Variants in CPNE8 observed in about 807,000 individuals in gnomAD.
CPNE8 encodes copine-8.
CPNE8 carries 45 observed loss-of-function variants against 81.5 expected under a neutral mutation model. The observed-to-expected ratio is 0.55, with a 90% CI of 0.44 to 0.71. CPNE8 has a LOEUF of 0.71. CPNE8 is among the 30% of genes least tolerant of loss of function. The probability of loss-of-function intolerance (pLI) is 0.00; values close to 1 mark genes in which losing one functional copy is unlikely to be tolerated. For missense variants in CPNE8, 594 were observed against 672.1 expected (o/e 0.88, Z 1.28); for synonymous variants, 252 against 226.3 (o/e 1.11, Z -1.02).
At chr12:38,654,257 TG>T (rs1253599995) in intron 19 of CPNE8, among the ~76,000 whole-genome samples, 187 bp from the exon 20 acceptor site, 2 of 152,112 alleles carry the variant, frequency 1.3e-5, no homozygotes, top group African/African-American at 4.8e-5. Context: ...GGCTCATGCC[TG>T]TAATCCCAGC....
intron 5 of CPNE8, among the ~76,000 whole-genome samples, chr12:38,838,449 C>T (rs1237914317): frequency 6.6e-6 from 1 of 152,174 alleles, no homozygotes; most frequent in Non-Finnish European, 1.5e-5. Flanking sequence ...TGCTCATAAT[C>T]CCTTTAATCA....
intron 14 of CPNE8, among the ~76,000 whole-genome samples, chr12:38,697,744 G>A (rs1373894332): frequency 6.6e-6 from 1 of 151,654 alleles, no homozygotes; most frequent in African/African-American, 2.4e-5. Context: ...AGTAATGAGG[G>A]AAGTTCTCAC....
chr12:38,792,462 G>T, intron 6 of CPNE8, among the ~76,000 whole-genome samples: 1 of 151,058 alleles, frequency 6.6e-6, no homozygotes, highest in South Asian at 2.1e-4. Flanking sequence ...TGCAGGCCAA[G>T]AAATTGAAAA....
chr12:38,686,791 T>G, intron 15 of CPNE8, among the ~76,000 whole-genome samples: 1 of 152,166 alleles, frequency 6.6e-6, no homozygotes, highest in East Asian at 1.9e-4. Flanking sequence ...ACAGGGCTGC[T>G]TGAGTGTTCT....
At chr12:38,892,417 T>C (rs1413983259) in intron 1 of CPNE8, among the ~76,000 whole-genome samples, 1 of 152,212 alleles carries the variant, frequency 6.6e-6, no homozygotes, top group East Asian at 1.9e-4. Flanking sequence ...TCACTACATG[T>C]GTGAAGAAGA....
In CPNE8 at chr12:38,800,127, A is replaced by C. The variant is rs7975657; in HGVS notation, c.408-23826T>G. ...GCTTGCTTAGGTAGACAAAGCAGCC[A>C]GGAAGCTCGAACTGGGTGGAGCCCA... On this transcript the variant is annotated intron_variant, in intron 6 of 19. Coordinates refer to ENST00000331366, the MANE Select transcript of CPNE8 (RefSeq NM_153634.3). Among the ~76,000 whole-genome samples, 124 of 113,450 alleles carry C rather than the reference A, an allele frequency of 1.1e-3. 4 individuals carry two copies. Among genetic ancestry groups the C allele is most frequent in the Admixed American group, 4.3e-3 (45 of 10,386 alleles). 74.4% of individuals were successfully genotyped at this position (113,450 alleles called of 152,430 possible).
At chr12:38,901,639 C>T (rs1386591610) in intron 1 of CPNE8, among the ~76,000 whole-genome samples, 3 of 152,096 alleles carry the variant, frequency 2.0e-5, no homozygotes, top group African/African-American at 7.2e-5. Context: ...GGGTAGAAGA[C>T]GAAGGAGGTC....
At chr12:38,900,024 A>G (rs1944436320) in intron 1 of CPNE8, among the ~76,000 whole-genome samples, 2 of 152,224 alleles carry the variant, frequency 1.3e-5, no homozygotes, top group South Asian at 4.1e-4. Context: ...ATAACCTTTC[A>G]GCATTTCTTA....
In CPNE8 at chr12:38,710,983, C is replaced by T. The variant is rs530560674; in HGVS notation, c.915-8062G>A. On this transcript the variant is annotated intron_variant, in intron 13 of 19. Transcript: ENST00000331366. ...AGCCCCCAACCTTTTAATTGCCCAC[C>T]ACTGTGAAACTATTTTAGAAATAGC... Among the ~76,000 whole-genome samples the T allele has an allele frequency of 2.4e-4, 37 of 152,232 alleles. No homozygotes were observed. In the South Asian group the frequency reaches 7.7e-3, roughly 32 times the overall value.
chr12:38,653,790 A>C lies in CPNE8; in HGVS notation c.*92T>G. On this transcript the variant is annotated 3_prime_UTR_variant, in exon 20 of 20. Coordinates refer to ENST00000331366, the MANE Select transcript of CPNE8 (RefSeq NM_153634.3). ...CTGCTGAAACCAAACTGAGAAAACT[A>C]TCTCATTGCCTGGTTCATTACAGAG... The C allele has an allele frequency of 1.4e-6, 2 of 1,455,884 alleles. No individual in the cohort carries two copies. The highest frequency in any genetic ancestry group is 1.8e-6 in the Non-Finnish European group (2 of 1,107,032). 90.2% of individuals were successfully genotyped at this position (1,455,884 alleles called of 1,614,324 possible). A position where few individuals can be genotyped will look rare whatever the true frequency, so the allele number is the denominator to read the frequency against.
intron 1 of CPNE8, among the ~76,000 whole-genome samples, chr12:38,876,553 G>T (rs1037578280): frequency 1.3e-4 from 20 of 152,120 alleles, no homozygotes; most frequent in Admixed American, 2.0e-4. Context: ...TTGTCACATT[G>T]TTTCACTCAG....
chr12:38,794,495 A>C (rs1167715954), intron 6 of CPNE8, among the ~76,000 whole-genome samples: 2 of 152,174 alleles, frequency 1.3e-5, no homozygotes, highest in African/African-American at 2.4e-5. Flanking sequence ...TGAGCATGGC[A>C]CTTCAGTAAG....
chr12:38,852,013 T>C (rs1943654428), intron 3 of CPNE8, among the ~76,000 whole-genome samples: 1 of 152,224 alleles, frequency 6.6e-6, no homozygotes, highest in Admixed American at 6.5e-5. Context: ...TTTAAGCCTC[T>C]GCTTAAATGT....
At chr12:38,741,170 G>A (rs1213123536) in intron 10 of CPNE8, among the ~76,000 whole-genome samples, 1 of 151,992 alleles carries the variant, frequency 6.6e-6, no homozygotes, top group Non-Finnish European at 1.5e-5. Flanking sequence ...TCACAGAATT[G>A]GAAAAAACCA....
chr12:38,761,411 T>C (rs1362472054), intron 9 of CPNE8, among the ~76,000 whole-genome samples: 2 of 152,158 alleles, frequency 1.3e-5, no homozygotes, highest in Non-Finnish European at 2.9e-5. Context: ...TTCTAAGAAC[T>C]TTCTTAGGAA....
At position 38,677,551 on chromosome 12, in the gene CPNE8, A is replaced by G. The variant is rs1350986333; in HGVS notation, c.1275T>C (p.Tyr425=). The part of the protein sequence containing the change: ...FAPVINHVAR[Y]ASSVKDGSQY... ...GGGAGCCATCCTTTACAGAAGAAGC[A>G]TATCTGAAAGGCAACGAAAAGGTAA... is the stretch of plus-strand genomic sequence containing the variant. The change falls in exon 17 of 20, where the codon TAT becomes TAC. Residue 425 remains tyrosine, a synonymous_variant. Coordinates refer to ENST00000331366, the MANE Select transcript of CPNE8 (RefSeq NM_153634.3). The G allele has an allele frequency of 7.5e-6, 12 of 1,599,962 alleles. No individual in the cohort carries two copies. Among genetic ancestry groups the G allele is most frequent in the East Asian group, 2.2e-5 (1 of 44,746 alleles).
rs1565554579 is a variant in CPNE8 at position 38,652,448 on chromosome 12, T to C, written c.*1434A>G. 6.6e-6 allele frequency: 1 copy of C among 152,624 alleles called. No individual in the cohort carries two copies. Among genetic ancestry groups the C allele is most frequent in the Admixed American group, 6.5e-5 (1 of 15,272 alleles). The allele number at this position is 152,624 out of a possible 1,614,324, so 9.5% of individuals were successfully genotyped here. A position where few individuals can be genotyped will look rare whatever the true frequency, so the allele number is the denominator to read the frequency against. On this transcript the variant is annotated 3_prime_UTR_variant, in exon 20 of 20. Transcript: ENST00000331366. ...ATACTGTTAGATATGTGGATGTATATATTTTTCTTTCCAGTAAAATAGTTT... is the reference window on the plus strand; with the variant it reads ...ATACTGTTAGATATGTGGATGTATACATTTTTCTTTCCAGTAAAATAGTTT...
At chr12:38,782,746 T>C (rs1218489225) in intron 6 of CPNE8, among the ~76,000 whole-genome samples, 2 of 151,980 alleles carry the variant, frequency 1.3e-5, no homozygotes, top group Non-Finnish European at 2.9e-5. Flanking sequence ...AGTGGAGTGA[T>C]CAGAGCTCAC....
At chr12:38,875,515 GCTGT>G (rs1335033401) in intron 1 of CPNE8, among the ~76,000 whole-genome samples, 1 of 152,066 alleles carries the variant, frequency 6.6e-6, no homozygotes, top group Non-Finnish European at 1.5e-5. Flanking sequence ...TCGTGTTCAA[GCTGT>G]CTTATTTTCC....
Sources: gnomAD v4.1 joint callset for allele counts (sites outside exome capture counted in the v4.1 genomes callset) on GRCh38, gnomAD v4.1.1 for gene constraint, MANE v1.5 for transcripts, NCBI Gene and HGNC (gene_info 2026-07-23, HGNC 2026-07-21) for gene names.